The following BLNK variants were observed in gnomAD, a reference collection of about 807,000 sequenced individuals.
BLNK encodes B-cell linker protein.
In BLNK, 29 loss-of-function variants were observed where a neutral mutation model predicts 73.5. That is an observed-to-expected ratio of 0.39 (90% CI 0.29 to 0.54). BLNK has a LOEUF of 0.54. BLNK is among the 20% of genes least tolerant of loss of function. The probability of loss-of-function intolerance (pLI) is 0.61; values close to 1 mark genes in which losing one functional copy is unlikely to be tolerated. For missense variants in BLNK, 460 were observed against 562.8 expected, an observed-to-expected ratio of 0.82 and a Z score of 1.85; for synonymous variants, 176 against 200.8, an observed-to-expected ratio of 0.88 and a Z score of 1.04.
intron 1 of BLNK, among the ~76,000 whole-genome samples, chr10:96,264,325 C>T (rs1589349250): frequency 6.6e-6 from 1 of 152,278 alleles, no homozygotes; most frequent in Non-Finnish European, 1.5e-5. Context: ...TCTGCAGAGA[C>T]GGAGTCTTGG....
chr10:96,226,088 C>T (rs587668390), intron 5 of BLNK, among the ~76,000 whole-genome samples: 37 of 152,288 alleles, frequency 2.4e-4, no homozygotes, highest in East Asian at 1.9e-4. Context: ...AGCTGGGCTT[C>T]GGAAGCTGAG....
At chr10:96,235,580 C>T (rs587633032) in intron 3 of BLNK, among the ~76,000 whole-genome samples, 19 of 152,206 alleles carry the variant, frequency 1.2e-4, no homozygotes, top group Admixed American at 7.8e-4. Context: ...AACTCAGGGC[C>T]ATGTAGTTTT....
Position 96,189,414 on chromosome 10 carries a change from C to T in BLNK, c.*2559G>A, listed in dbSNP as rs587669331. 18 of 597,824 alleles carry T rather than the reference C, an allele frequency of 3.0e-5. No individual in the cohort carries two copies. The highest frequency in any genetic ancestry group is 2.4e-4 in the East Asian group (6 of 24,950). The allele number at this position is 597,824 out of a possible 1,614,324, so 37.0% of individuals were successfully genotyped here. ...TTGAATAGTCTCCTGGTCAGTTGTC[C>T]GGAAGCAATTCTTCACATAATTGAT... On this transcript the variant is annotated 3_prime_UTR_variant, in exon 17 of 17. Coordinates refer to ENST00000224337, the MANE Select transcript of BLNK (RefSeq NM_013314.4).
At chr10:96,257,163 T>A (rs1177085706) in intron 1 of BLNK, among the ~76,000 whole-genome samples, 5 of 151,730 alleles carry the variant, frequency 3.3e-5, no homozygotes, top group Admixed American at 2.0e-4. Context: ...GGAAAGTAGG[T>A]GTTGAGAGGA....
chr10:96,224,021 A>T, intron 5 of BLNK, 32 bp from the exon 6 acceptor site: 1 of 1,611,580 alleles, frequency 6.2e-7, no homozygotes, highest in South Asian at 1.1e-5. Flanking sequence ...ACATAACATA[A>T]AAGAGGCTCT....
At position 96,191,004 on chromosome 10, in the gene BLNK, C is replaced by T. The variant is rs773153993; in HGVS notation, c.*969G>A. ...TGAATTGTAGCTCCCATAATCCCCA[C>T]GTGCCATGGGAGGGACCTGGTGGGA... On this transcript the variant is annotated 3_prime_UTR_variant, in exon 17 of 17. Transcript: ENST00000224337. Among the ~76,000 whole-genome samples, 46 of 152,154 alleles carry T rather than the reference C, an allele frequency of 3.0e-4. No individual in the cohort carries two copies. The highest frequency in any genetic ancestry group is 1.1e-3 in the Admixed American group (17 of 15,282).
chr10:96,229,110 A>G (rs11812812), intron 4 of BLNK, among the ~76,000 whole-genome samples: 22,047 of 151,606 alleles, frequency 0.15, 1,721 homozygotes, highest in East Asian at 0.3. Flanking sequence ...TCTTTTAGTT[A>G]TTTTTAAATG....
chr10:96,204,234 G>T, intron 12 of BLNK, 146 bp from the exon 13 acceptor site: 1 of 922,484 alleles, frequency 1.1e-6, no homozygotes, highest in South Asian at 1.5e-5. Flanking sequence ...AGATAAAAGA[G>T]CCACCAAAAC....
chr10:96,242,705 G>T, intron 3 of BLNK, 30 bp downstream of exon 3: 1 of 1,590,234 alleles, frequency 6.3e-7, no homozygotes, highest in Non-Finnish European at 8.6e-7. Flanking sequence ...TTAGTCAAGA[G>T]TCAGTTAAAG....
chr10:96,269,366 C>T (rs1269137268), intron 1 of BLNK, among the ~76,000 whole-genome samples: 2 of 147,782 alleles, frequency 1.4e-5, no homozygotes, highest in African/African-American at 5.4e-5. Flanking sequence ...CACCTGGATT[C>T]CCTGAAAGAG....
chr10:96,230,059 G>A (rs782160561), intron 4 of BLNK, among the ~76,000 whole-genome samples: 5 of 152,182 alleles, frequency 3.3e-5, no homozygotes, highest in Non-Finnish European at 7.3e-5. Context: ...AAACTCACAG[G>A]TTGGAGCAGG....
intron 1 of BLNK, among the ~76,000 whole-genome samples, chr10:96,268,049 T>A (rs143523754): frequency 1.3e-5 from 2 of 152,126 alleles, no homozygotes; most frequent in African/African-American, 4.8e-5. Flanking sequence ...AAATCTTGAT[T>A]TTTCTAATGG....
chr10:96,260,794 G>A (rs2861306), intron 1 of BLNK, among the ~76,000 whole-genome samples: 129,877 of 152,202 alleles, frequency 0.85, 56,084 homozygotes, highest in Middle Eastern at 0.95. Context: ...TTCATTAAAA[G>A]CATCTACAAA....
Position 96,241,691 on chromosome 10 carries a change from G to A in BLNK, c.163+1044C>T, listed in dbSNP as rs587594903. The stretch of plus-strand genomic sequence containing the variant: ...CTGCTGTGGAATTCCACCCAACTTT[G>A]TGCTTCCCCTATCACTGAATTGTAA... On this transcript the variant is annotated intron_variant, in intron 3 of 16. Transcript: ENST00000224337. Among the ~76,000 whole-genome samples, 178 of 151,450 alleles carry A rather than the reference G, an allele frequency of 1.2e-3. 1 individual carries two copies. Among genetic ancestry groups the A allele is most frequent in the Non-Finnish European group, 2.1e-3 (142 of 67,890 alleles).
At chr10:96,237,626 G>A (rs1311345410) in intron 3 of BLNK, among the ~76,000 whole-genome samples, 3 of 152,164 alleles carry the variant, frequency 2.0e-5, no homozygotes, top group Admixed American at 2.0e-4. Flanking sequence ...TCCATCCCCA[G>A]CCAGACCTCA....
chr10:96,264,077 A>G (rs997001950), intron 1 of BLNK, among the ~76,000 whole-genome samples: 2 of 152,222 alleles, frequency 1.3e-5, no homozygotes, highest in East Asian at 3.8e-4. Flanking sequence ...AATAATGTGC[A>G]TGGTTCCTAG....
intron 3 of BLNK, among the ~76,000 whole-genome samples, chr10:96,240,137 C>A (rs147774214): frequency 7.6e-4 from 116 of 152,298 alleles, no homozygotes; most frequent in Admixed American, 1.6e-3. Flanking sequence ...ACCATGTTTG[C>A]TAATTTATAT....
At chr10:96,218,679 CAAA>C (rs10706950) in intron 6 of BLNK, among the ~76,000 whole-genome samples, 22 of 124,222 alleles carry the variant, frequency 1.8e-4, no homozygotes, top group Admixed American at 2.4e-4. Context: ...ACCTTGTCTC[CAAA>C]AAAAAAAAAA....
chr10:96,268,291 G>A lies in BLNK; in HGVS notation c.47+3061C>T, dbSNP rs562255183. Among the ~76,000 whole-genome samples, 18 of 152,282 alleles carry A rather than the reference G, an allele frequency of 1.2e-4. No homozygotes were observed. In the South Asian group the frequency reaches 3.3e-3, roughly 28 times the overall value. Reference sequence around the variant, plus strand: ...AAAGGGATATTTGCAAAGTGATTCAGGATTGTAAATTTTGAAATGTTCCCC... The same window carrying A: ...AAAGGGATATTTGCAAAGTGATTCAAGATTGTAAATTTTGAAATGTTCCCC... On this transcript the variant is annotated intron_variant, in intron 1 of 16. Transcript: ENST00000224337.
Sources: allele counts gnomAD v4.1 joint callset (sites outside exome capture counted in the v4.1 genomes callset), GRCh38; gene constraint gnomAD v4.1.1; transcripts MANE v1.5; gene names NCBI Gene and HGNC (gene_info 2026-07-23, HGNC 2026-07-21).